Variants in PLCL1 observed in about 807,000 individuals in gnomAD.
PLCL1 encodes the protein inactive phospholipase C-like protein 1.
PLCL1 carries 41 observed loss-of-function variants against 84.4 expected under a neutral mutation model. That is an observed-to-expected ratio of 0.49 (90% CI 0.38 to 0.63). The LOEUF (loss-of-function observed/expected upper bound fraction) is 0.63. Ranked by LOEUF, PLCL1 falls within the 30% of genes least tolerant of loss-of-function variation. The probability of loss-of-function intolerance (pLI) is 0.00; values close to 1 mark genes in which losing one functional copy is unlikely to be tolerated. For synonymous variants in PLCL1, 490 were observed against 488.3 expected, an observed-to-expected ratio of 1.00 and a Z score of -0.05; for missense variants, 1,206 against 1,367.8, an observed-to-expected ratio of 0.88 and a Z score of 1.87.
intron 1 of PLCL1, among the ~76,000 whole-genome samples, chr2:198,045,040 A>C (rs1408488938): frequency 6.6e-6 from 1 of 152,220 alleles, no homozygotes; most frequent in Non-Finnish European, 1.5e-5. Context: ...CAATGAGTAA[A>C]GTCTCCCATG....
In PLCL1 at chr2:197,920,551, T is replaced by C. The variant is rs80126541; in HGVS notation, c.240+115212T>C. On this transcript the variant is annotated intron_variant, in intron 1 of 5. Transcript: ENST00000428675. ...TGATGAGTGAAACAATTGAAATTAA[T>C]GGAATGATTGCAAAATAGAGTAAGT... Among the ~76,000 whole-genome samples, 1,028 of 152,326 alleles carry C rather than the reference T, an allele frequency of 6.7e-3. 15 individuals carry two copies. Among genetic ancestry groups the C allele is most frequent in the African/African-American group, 0.023 (964 of 41,556 alleles).
At chr2:197,961,400 A>T (rs1689619382) in intron 1 of PLCL1, among the ~76,000 whole-genome samples, 1 of 152,024 alleles carries the variant, frequency 6.6e-6, no homozygotes. Flanking sequence ...TATCAGGATC[A>T]TTATTAACTC....
chr2:198,025,987 T>C (rs1033268171), intron 1 of PLCL1, among the ~76,000 whole-genome samples: 2 of 152,174 alleles, frequency 1.3e-5, no homozygotes, highest in Non-Finnish European at 2.9e-5. Context: ...AATGGGGCCA[T>C]TGTTGTCTCT....
rs1402097915 is a variant in PLCL1, at chr2:198,089,046, G to T, written c.2904G>T (p.Leu968=). The T allele has an allele frequency of 2.5e-6, 4 of 1,613,268 alleles. No individual in the cohort carries two copies. Among genetic ancestry groups the T allele is most frequent in the Non-Finnish European group, 3.4e-6 (4 of 1,179,378 alleles). ...TTCCAGATGTGCAGAAAAAGATGCT[G>T]ACTGCTTATGATCTGGTAGGAAATT... The part of the protein sequence containing the change: ...GAIPDVQKKM[L]TAYDLMIQES... The change falls in exon 3 of 6, where the codon CTG becomes CTT. Residue 968 remains leucine, a synonymous_variant. Transcript: ENST00000428675.
chr2:197,888,800 T>C (rs1559036036), intron 1 of PLCL1, among the ~76,000 whole-genome samples: 1 of 152,206 alleles, frequency 6.6e-6, no homozygotes, highest in African/African-American at 2.4e-5. Context: ...TCATGATTCC[T>C]GCTGATTCCA....
intron 5 of PLCL1, among the ~76,000 whole-genome samples, chr2:198,107,512 A>G (rs1693504904): frequency 6.6e-6 from 1 of 151,948 alleles, no homozygotes; most frequent in Non-Finnish European, 1.5e-5. Context: ...ATGAGATAAT[A>G]CATACAAAAG....
At chr2:198,050,422 G>A (rs182235577) in intron 1 of PLCL1, among the ~76,000 whole-genome samples, 126 of 152,102 alleles carry the variant, frequency 8.3e-4, no homozygotes, top group Non-Finnish European at 1.4e-3. Flanking sequence ...TTGTGGGGAG[G>A]GCAGGGGAGG....
At chr2:198,126,893 AC>A (rs1694000332) in intron 5 of PLCL1, among the ~76,000 whole-genome samples, 2 of 152,104 alleles carry the variant, frequency 1.3e-5, no homozygotes, top group Non-Finnish European at 2.9e-5. Flanking sequence ...ACAGAGTGAG[AC>A]CCTGTCTCAA....
chr2:197,839,219 C>T (rs1335909986), intron 1 of PLCL1, among the ~76,000 whole-genome samples: 1 of 152,128 alleles, frequency 6.6e-6, no homozygotes, highest in Non-Finnish European at 1.5e-5. Flanking sequence ...GAACAGGGTA[C>T]CTTTACAAAA....
chr2:197,832,231 A>T (rs1691082538), intron 1 of PLCL1, among the ~76,000 whole-genome samples: 2 of 152,170 alleles, frequency 1.3e-5, no homozygotes, highest in Admixed American at 1.3e-4. Flanking sequence ...TTTTTTGAAA[A>T]GATTAACAAA....
At chr2:197,929,369 T>C (rs1309491305) in intron 1 of PLCL1, among the ~76,000 whole-genome samples, 2 of 152,202 alleles carry the variant, frequency 1.3e-5, no homozygotes, top group Non-Finnish European at 2.9e-5. Flanking sequence ...TGAGGCAGCA[T>C]GCTCCTTAAC....
chr2:198,053,142 T>C (rs148517945), intron 1 of PLCL1, among the ~76,000 whole-genome samples: 1 of 152,352 alleles, frequency 6.6e-6, no homozygotes, highest in Non-Finnish European at 1.5e-5. Flanking sequence ...TATTTCATTA[T>C]ATAAAATGGG....
intron 5 of PLCL1, among the ~76,000 whole-genome samples, chr2:198,125,514 A>C (rs944092081): frequency 6.6e-6 from 1 of 152,204 alleles, no homozygotes; most frequent in Non-Finnish European, 1.5e-5. Context: ...AATTAAATTC[A>C]GCTTCAGTAC....
chr2:197,962,098 T>A (rs1284905187), intron 1 of PLCL1, among the ~76,000 whole-genome samples: 1 of 151,950 alleles, frequency 6.6e-6, no homozygotes, highest in Non-Finnish European at 1.5e-5. Context: ...GCTTGCAGAG[T>A]TTGTTCATAA....
intron 1 of PLCL1, among the ~76,000 whole-genome samples, chr2:197,983,200 C>CTT (rs760577848): frequency 1.5e-4 from 9 of 60,282 alleles, no homozygotes; most frequent in East Asian, 5.3e-4. Context: ...CTTTTCTTTT[C>CTT]TTTTTTTTTT....
At chr2:198,027,084 G>A (rs576352350) in intron 1 of PLCL1, among the ~76,000 whole-genome samples, 236 of 152,190 alleles carry the variant, frequency 1.6e-3, no homozygotes, top group African/African-American at 4.0e-3. Flanking sequence ...ACGCATTGTC[G>A]ACAATTGGCA....
chr2:198,063,510 T>C (rs1187397191), intron 1 of PLCL1, among the ~76,000 whole-genome samples: 7 of 152,140 alleles, frequency 4.6e-5, no homozygotes, highest in South Asian at 2.1e-4. Flanking sequence ...TATGATAGCA[T>C]TGATTAATTT....
intron 1 of PLCL1, among the ~76,000 whole-genome samples, chr2:197,945,915 T>TAC (rs1320408608): frequency 6.6e-6 from 1 of 152,204 alleles, no homozygotes; most frequent in Non-Finnish European, 1.5e-5. Flanking sequence ...TATGTATATG[T>TAC]ACACACATTT....
intron 1 of PLCL1, among the ~76,000 whole-genome samples, chr2:198,071,249 G>C (rs930421174): frequency 1.3e-5 from 2 of 151,830 alleles, no homozygotes; most frequent in African/African-American, 4.8e-5. Flanking sequence ...TGGATGTTTA[G>C]TTTATTAGTT....
Sources: allele counts gnomAD v4.1 joint callset (sites outside exome capture counted in the v4.1 genomes callset), GRCh38; gene constraint gnomAD v4.1.1; transcripts MANE v1.5; gene names NCBI Gene and HGNC (gene_info 2026-07-23, HGNC 2026-07-21).